The following S100Z variants were observed in gnomAD, a reference collection of about 807,000 sequenced individuals.
S100Z encodes protein S100-Z.
A neutral mutation model predicts 8.5 loss-of-function variants in S100Z; 11 were observed. That is an observed-to-expected ratio of 1.30 (90% CI 0.82 to 2.15). S100Z has a LOEUF of 2.15. S100Z is among the 30% of genes most tolerant of loss of function. The probability of loss-of-function intolerance (pLI) is 0.00; values close to 1 mark genes in which losing one functional copy is unlikely to be tolerated. For missense variants in S100Z, 126 were observed against 117.9 expected, an observed-to-expected ratio of 1.07 and a Z score of -0.32; for synonymous variants, 34 against 43.8, an observed-to-expected ratio of 0.78 and a Z score of 0.89.
chr5:76,855,640 T>G (rs989586693), intron 1 of S100Z, among the ~76,000 whole-genome samples: 24 of 152,212 alleles, frequency 1.6e-4, no homozygotes, highest in African/African-American at 5.8e-4. Flanking sequence ...TGGAAGTAAC[T>G]AACTTGTTTT....
At chr5:76,914,176 G>C (rs182120969) in intron 4 of S100Z, among the ~76,000 whole-genome samples, 2 of 152,090 alleles carry the variant, frequency 1.3e-5, no homozygotes, top group Admixed American at 1.3e-4. Context: ...CTCCTTCTTT[G>C]CCCTTATCCA....
chr5:76,878,052 C>A, intron 4 of S100Z: 1 of 330,362 alleles, frequency 3.0e-6, no homozygotes, highest in Non-Finnish European at 5.5e-6. Context: ...TGAAACTTGC[C>A]TGTATTATTA....
At chr5:76,935,190 T>C in the S100Z span, among the ~76,000 whole-genome samples, 2 of 152,220 alleles carry the variant, frequency 1.3e-5, no homozygotes, top group Non-Finnish European at 2.9e-5. Context: ...ACATGTCATA[T>C]TTAATGTGGG....
At position 76,875,366 on chromosome 5, in the gene S100Z, A is replaced by G. The variant is rs778139727; in HGVS notation, c.7A>G (p.Thr3Ala). 27 of 1,611,056 alleles carry G rather than the reference A, an allele frequency of 1.7e-5. 2 individuals are homozygous for G. The Middle Eastern group carries it at 3.6e-3, about 218-fold the overall frequency. Residue 3 changes from threonine to alanine, a missense_variant, in exon 3 of 5, where the codon ACC becomes GCC. Transcript: ENST00000317593. Reference protein sequence around the residue: MPTQLEMAMDTMI... With the variant: MPAQLEMAMDTMI... ...GGTCAGTTCTGCTGCCGACATGCCC[A>G]CCCAGCTCGAGATGGCCATGGACAC...
At chr5:76,873,615 T>C (rs892566393) in intron 2 of S100Z, among the ~76,000 whole-genome samples, 2 of 152,018 alleles carry the variant, frequency 1.3e-5, no homozygotes, top group African/African-American at 2.4e-5. Flanking sequence ...GTTTGAAAAT[T>C]TTGTGTTAGG....
chr5:76,860,798 G>T (rs1469231194), intron 1 of S100Z, among the ~76,000 whole-genome samples: 1 of 152,114 alleles, frequency 6.6e-6, no homozygotes, highest in African/African-American at 2.4e-5. Flanking sequence ...GTAATAAAAG[G>T]TGCTATACAA....
intron 4 of S100Z, among the ~76,000 whole-genome samples, chr5:76,907,581 G>A (rs981994319): frequency 6.6e-6 from 1 of 152,194 alleles, no homozygotes; most frequent in Non-Finnish European, 1.5e-5. Context: ...GGGATTACAG[G>A]CATGAGCCAC....
chr5:76,892,953 G>A (rs73764772), intron 4 of S100Z, among the ~76,000 whole-genome samples: 7,208 of 152,188 alleles, frequency 0.047, 479 homozygotes, highest in African/African-American at 0.13. Flanking sequence ...GTGAAATTCA[G>A]CAGAACTCTG....
chr5:76,874,037 C>CT (rs1743096558), intron 2 of S100Z, among the ~76,000 whole-genome samples: 1 of 151,772 alleles, frequency 6.6e-6, no homozygotes, highest in African/African-American at 2.4e-5. Flanking sequence ...CTACCCTTTC[C>CT]CCCCTTACCC....
At chr5:76,923,729 C>T (rs1745086545), downstream of S100Z, among the ~76,000 whole-genome samples, 1 of 152,172 alleles carries the variant, frequency 6.6e-6, no homozygotes, top group Non-Finnish European at 1.5e-5. Context: ...TATAGACTTG[C>T]TAATTAATGT....
chr5:76,882,479 A>G (rs989181519), intron 4 of S100Z, among the ~76,000 whole-genome samples: 1 of 152,092 alleles, frequency 6.6e-6, no homozygotes, highest in African/African-American at 2.4e-5. Flanking sequence ...AGGATTTAGG[A>G]TCTGTGGGGT....
intron 4 of S100Z, among the ~76,000 whole-genome samples, chr5:76,891,883 C>A (rs1743871544): frequency 6.6e-6 from 1 of 152,054 alleles, no homozygotes; most frequent in African/African-American, 2.4e-5. Context: ...AGGTCTTGGG[C>A]AACTTATTTA....
chr5:76,897,509 T>C (rs1280545549), intron 4 of S100Z, among the ~76,000 whole-genome samples: 2 of 151,924 alleles, frequency 1.3e-5, no homozygotes, highest in Admixed American at 6.6e-5. Flanking sequence ...TTTTTTCTAT[T>C]TCTGTGAAGA....
intron 1 of S100Z, among the ~76,000 whole-genome samples, chr5:76,858,727 T>G (rs1750959603): frequency 6.6e-6 from 1 of 152,220 alleles, no homozygotes; most frequent in African/African-American, 2.4e-5. Context: ...TTGGGAGTTT[T>G]TCAATTCACA....
At chr5:76,873,054 C>A (rs1299923943) in intron 2 of S100Z, among the ~76,000 whole-genome samples, 1 of 152,072 alleles carries the variant, frequency 6.6e-6, no homozygotes, top group Non-Finnish European at 1.5e-5. Flanking sequence ...CTATGGTCAT[C>A]CCCATTTAGA....
At chr5:76,898,166 T>TC (rs1370024798) in intron 4 of S100Z, among the ~76,000 whole-genome samples, 1 of 151,808 alleles carries the variant, frequency 6.6e-6, no homozygotes, top group African/African-American at 2.4e-5. Context: ...TTTTTTTTTT[T>TC]TGAGATGGAG....
At chr5:76,852,708 CTG>C (rs1014367275) in intron 1 of S100Z, among the ~76,000 whole-genome samples, 2 of 152,160 alleles carry the variant, frequency 1.3e-5, no homozygotes, top group African/African-American at 4.8e-5. Flanking sequence ...GAGTGAGACT[CTG>C]TCTCAAAAAA....
intron 4 of S100Z, among the ~76,000 whole-genome samples, chr5:76,905,406 T>TG (rs1744391399): frequency 6.6e-6 from 1 of 152,108 alleles, no homozygotes; most frequent in African/African-American, 2.4e-5. Flanking sequence ...AGTTTATTTT[T>TG]ATTTATTTAT....
At chr5:76,891,753 TAGAC>T (rs1328520378) in intron 4 of S100Z, among the ~76,000 whole-genome samples, 5 of 151,414 alleles carry the variant, frequency 3.3e-5, no homozygotes, top group Admixed American at 6.6e-5. Flanking sequence ...GAACAGTAGA[TAGAC>T]AGAGGGTGCA....
Sources: gnomAD v4.1 joint callset for allele counts (sites outside exome capture counted in the v4.1 genomes callset) on GRCh38, gnomAD v4.1.1 for gene constraint, MANE v1.5 for transcripts, NCBI Gene and HGNC (gene_info 2026-07-23, HGNC 2026-07-21) for gene names.